Variants in CACNA1C observed in about 807,000 individuals in gnomAD.
CACNA1C encodes voltage-dependent L-type calcium channel subunit alpha-1C.
CACNA1C carries 30 observed loss-of-function variants against 229.0 expected under a neutral mutation model. That is an observed-to-expected ratio of 0.13 (90% confidence interval 0.10 to 0.18). The LOEUF (loss-of-function observed/expected upper bound fraction) is 0.18, where lower values mean the gene tolerates loss of function less well. Ranked by LOEUF, CACNA1C falls within the 10% of genes least tolerant of loss-of-function variation. CACNA1C has a pLI of 1.00. For synonymous variants in CACNA1C, 1,114 were observed against 1,132.5 expected (o/e 0.98, Z 0.33); for missense variants, 1,658 against 2,845.0 (o/e 0.58, Z 9.49).
At chr12:2,437,905 AGAG>A (rs2099157250) in intron 3 of CACNA1C, among the ~76,000 whole-genome samples, 2 of 137,148 alleles carry the variant, frequency 1.5e-5, no homozygotes, top group African/African-American at 5.6e-5. Context: ...TGGTGATAGT[AGAG>A]GTAGTAGAGA....
At chr12:2,583,158 C>G (rs2061173711) in intron 15 of CACNA1C, among the ~76,000 whole-genome samples, 1 of 152,226 alleles carries the variant, frequency 6.6e-6, no homozygotes, top group South Asian at 2.1e-4. Context: ...CGCAGCGGCG[C>G]CGCGCTCCGG....
chr12:2,044,327 A>G (rs529544432), intron 1 of CACNA1C, among the ~76,000 whole-genome samples: 22 of 152,302 alleles, frequency 1.4e-4, no homozygotes, highest in African/African-American at 4.8e-4. Flanking sequence ...ACCAGGCTCC[A>G]CTTGGCCACT....
intron 3 of CACNA1C, among the ~76,000 whole-genome samples, chr12:2,163,328 CT>C (rs1372987177): frequency 6.6e-6 from 1 of 152,112 alleles, no homozygotes; most frequent in Non-Finnish European, 1.5e-5. Flanking sequence ...CGTATTCTCA[CT>C]TCAAAGATAA....
At chr12:2,251,622 G>A (rs2075645039) in intron 3 of CACNA1C, among the ~76,000 whole-genome samples, 1 of 152,134 alleles carries the variant, frequency 6.6e-6, no homozygotes. Context: ...GGGCCCATGG[G>A]AATGAACATA....
intron 3 of CACNA1C, among the ~76,000 whole-genome samples, chr12:2,171,199 G>T (rs568355569): frequency 2.6e-5 from 4 of 152,330 alleles, no homozygotes; most frequent in African/African-American, 9.6e-5. Context: ...GGGCGATACA[G>T]TCTGTAGCTG....
chr12:2,409,828 C>T (rs1325970984), intron 3 of CACNA1C, among the ~76,000 whole-genome samples: 3 of 152,196 alleles, frequency 2.0e-5, no homozygotes, highest in Non-Finnish European at 4.4e-5. Context: ...CAACGCAGGG[C>T]CCGCTGCCCA....
intron 11 of CACNA1C, among the ~76,000 whole-genome samples, chr12:2,563,474 A>G (rs1467794994): frequency 6.6e-6 from 1 of 152,190 alleles, no homozygotes; most frequent in East Asian, 1.9e-4. Flanking sequence ...TGTGGCCCTC[A>G]CTGGAGATGG....
intron 3 of CACNA1C, among the ~76,000 whole-genome samples, chr12:2,250,289 C>T (rs532751269): frequency 2.2e-4 from 33 of 152,288 alleles, no homozygotes; most frequent in African/African-American, 7.7e-4. Flanking sequence ...AACCCTGGGC[C>T]GTTCACCTCC....
At chr12:2,557,370 G>A (rs2370600) in intron 11 of CACNA1C, among the ~76,000 whole-genome samples, 134,140 of 152,258 alleles carry the variant, frequency 0.88, 59,734 homozygotes, top group Non-Finnish European at 0.95. Flanking sequence ...TGGAAAGCAC[G>A]TAGGATTATG....
At position 2,331,920 on chromosome 12, in the gene CACNA1C, CAATT is replaced by C. The variant is rs561748919; in HGVS notation, c.478-117053_478-117050del. 1.7e-4 allele frequency among the ~76,000 whole-genome samples: 26 copies of C among 152,252 alleles called. 2 individuals carry two copies. In the South Asian group the frequency reaches 5.0e-3, roughly 29 times the overall value. On this transcript the variant is annotated intron_variant, in intron 3 of 46. Transcript: ENST00000399655. Reference sequence around the variant, plus strand: ...GATTAAAGGAACTAAAGAAATATGACAATTAAGTGTAATGCATGACTTAGGTTGA... The same window carrying C: ...GATTAAAGGAACTAAAGAAATATGACAAGTGTAATGCATGACTTAGGTTGA...
chr12:2,629,463 G>A (rs1418927126), intron 29 of CACNA1C, among the ~76,000 whole-genome samples: 2 of 152,220 alleles, frequency 1.3e-5, no homozygotes, highest in Non-Finnish European at 2.9e-5. Context: ...CAGGACACAT[G>A]TGCCTTGTGG....
chr12:2,159,280 A>G (rs2095711904), intron 3 of CACNA1C, among the ~76,000 whole-genome samples: 1 of 152,050 alleles, frequency 6.6e-6, no homozygotes, highest in Admixed American at 6.6e-5. Context: ...GGATTACTTG[A>G]GCCCAGGAGT....
intron 3 of CACNA1C, among the ~76,000 whole-genome samples, chr12:2,414,886 T>G (rs141146811): frequency 2.0e-5 from 3 of 152,240 alleles, no homozygotes; most frequent in African/African-American, 4.8e-5. Context: ...TCACGGGCTT[T>G]CTTTCTCCCA....
chr12:2,340,589 C>T (rs1593320430), intron 3 of CACNA1C, among the ~76,000 whole-genome samples: 1 of 152,172 alleles, frequency 6.6e-6, no homozygotes, highest in African/African-American at 2.4e-5. Flanking sequence ...AAATTCTGAT[C>T]AACAGAGGGA....
chr12:2,611,475 A>G (rs1466324629), intron 28 of CACNA1C, among the ~76,000 whole-genome samples: 3 of 138,848 alleles, frequency 2.2e-5, no homozygotes, highest in South Asian at 2.4e-4. Context: ...GAAGGGAGGG[A>G]TGAGCTGGAT....
intron 3 of CACNA1C, among the ~76,000 whole-genome samples, chr12:2,122,516 C>T (rs1030546719): frequency 1.5e-4 from 23 of 152,112 alleles, no homozygotes; most frequent in Admixed American, 1.3e-3. Context: ...AAACCCATCG[C>T]GAGTGCTGTG....
intron 3 of CACNA1C, among the ~76,000 whole-genome samples, chr12:2,217,208 A>G (rs1190705005): frequency 6.6e-6 from 1 of 152,204 alleles, no homozygotes; most frequent in African/African-American, 2.4e-5. Context: ...AGAATAGACA[A>G]ATTTATAGAG....
chr12:2,463,702 A>G (rs1433301396), intron 5 of CACNA1C, among the ~76,000 whole-genome samples: 2 of 152,196 alleles, frequency 1.3e-5, no homozygotes, highest in South Asian at 2.1e-4. Context: ...GGAGATGCAC[A>G]CTGTGAGGCT....
At chr12:2,466,264 A>G (rs1030747281) in intron 5 of CACNA1C, among the ~76,000 whole-genome samples, 1 of 152,194 alleles carries the variant, frequency 6.6e-6, no homozygotes, top group African/African-American at 2.4e-5. Context: ...TGGTAAATTG[A>G]GCCACAGCAG....
Sources: gnomAD v4.1 joint callset for allele counts (sites outside exome capture counted in the v4.1 genomes callset) on GRCh38, gnomAD v4.1.1 for gene constraint, MANE v1.5 for transcripts, NCBI Gene and HGNC (gene_info 2026-07-23, HGNC 2026-07-21) for gene names.